Variants in FOXP1 observed in about 807,000 individuals in gnomAD.
FOXP1 encodes forkhead box protein P1.
A neutral mutation model predicts 98.2 loss-of-function variants in FOXP1; 15 were observed. That is an observed-to-expected ratio of 0.15 (90% CI 0.10 to 0.24). FOXP1 has a LOEUF of 0.24. Among genes scored for constraint, FOXP1 ranks in the 10% least tolerant of loss-of-function variants. The pLI is 1.00. For synonymous variants in FOXP1, 371 were observed against 314.5 expected, an observed-to-expected ratio of 1.18 and a Z score of -1.90; for missense variants, 633 against 848.5, an observed-to-expected ratio of 0.75 and a Z score of 3.15.
intron 7 of FOXP1, among the ~76,000 whole-genome samples, chr3:71,095,152 A>G (rs2056331517): frequency 6.6e-6 from 1 of 152,268 alleles, no homozygotes; most frequent in Non-Finnish European, 1.5e-5. Context: ...TTTCAAAATT[A>G]CTGCTCTCTA....
At chr3:71,079,625 T>A (rs924612287) in intron 7 of FOXP1, among the ~76,000 whole-genome samples, 1 of 152,220 alleles carries the variant, frequency 6.6e-6, no homozygotes, top group Non-Finnish European at 1.5e-5. Context: ...ATTGTTACTA[T>A]TTGACAATTA....
At chr3:71,198,039 C>T (rs1416916194) in intron 6 of FOXP1, 163 bp downstream of exon 6, 3 of 1,614,102 alleles carry the variant, frequency 1.9e-6, no homozygotes, top group Non-Finnish European at 8.5e-7. Flanking sequence ...TGCTGGGACT[C>T]CTAGAGGGCT....
intron 2 of FOXP1, among the ~76,000 whole-genome samples, chr3:71,527,830 C>A (rs1166278756): frequency 6.6e-6 from 1 of 152,196 alleles, no homozygotes. Flanking sequence ...TCAAAAATTG[C>A]CCTTTTAAAC....
At chr3:71,067,763 C>CACACACACACACACACACACACAA (rs374096871) in intron 7 of FOXP1, among the ~76,000 whole-genome samples, 1 of 149,786 alleles carries the variant, frequency 6.7e-6, no homozygotes, top group African/African-American at 2.5e-5. Flanking sequence ...CACACACACA[C>CACACACACACACACACACACACAA]AATTAGCCAC....
At chr3:71,479,345 C>T (rs1291840741) in intron 3 of FOXP1, among the ~76,000 whole-genome samples, 2 of 152,134 alleles carry the variant, frequency 1.3e-5, no homozygotes, top group African/African-American at 2.4e-5. Context: ...GTCACTGTTT[C>T]GTTTCCAAAT....
At chr3:71,073,131 A>T (rs1486529935) in intron 7 of FOXP1, among the ~76,000 whole-genome samples, 1 of 152,228 alleles carries the variant, frequency 6.6e-6, no homozygotes, top group Non-Finnish European at 1.5e-5. Flanking sequence ...AGGAATGTCT[A>T]ATTGATCTTA....
At chr3:71,195,089 G>C (rs1027914795) in intron 6 of FOXP1, among the ~76,000 whole-genome samples, 1 of 152,176 alleles carries the variant, frequency 6.6e-6, no homozygotes, top group Non-Finnish European at 1.5e-5. Context: ...AATTGTTGCC[G>C]TTGTGGGACT....
At chr3:71,459,602 T>C (rs755166467) in intron 3 of FOXP1, among the ~76,000 whole-genome samples, 9 of 152,230 alleles carry the variant, frequency 5.9e-5, no homozygotes, top group South Asian at 2.1e-4. Context: ...CCTCATGTAA[T>C]AGATATGGGG....
intron 3 of FOXP1, among the ~76,000 whole-genome samples, chr3:71,448,825 C>T (rs1245056606): frequency 6.6e-6 from 1 of 152,128 alleles, no homozygotes; most frequent in Non-Finnish European, 1.5e-5. Context: ...AAATCACTGG[C>T]AAGTAAGAAT....
chr3:71,372,406 C>T (rs1437370340), intron 3 of FOXP1, among the ~76,000 whole-genome samples: 7 of 152,156 alleles, frequency 4.6e-5, no homozygotes, highest in Admixed American at 4.6e-4. Flanking sequence ...AAGGTCTGTG[C>T]TTTCCACTGT....
chr3:71,331,162 C>T (rs557821867), intron 4 of FOXP1, among the ~76,000 whole-genome samples: 143 of 152,294 alleles, frequency 9.4e-4, no homozygotes, highest in African/African-American at 3.2e-3. Context: ...ACTGGGGCTG[C>T]GCAGGGTGCT....
At chr3:71,001,391 G>A (rs1354365923) in intron 12 of FOXP1, among the ~76,000 whole-genome samples, 2 of 152,164 alleles carry the variant, frequency 1.3e-5, no homozygotes, top group East Asian at 1.9e-4. Flanking sequence ...GGGCCTGCTA[G>A]GTATTTCGGA....
chr3:71,379,995 G>T (rs934478257), intron 3 of FOXP1, among the ~76,000 whole-genome samples: 3 of 152,186 alleles, frequency 2.0e-5, no homozygotes, highest in Non-Finnish European at 4.4e-5. Flanking sequence ...GATTGCAGGG[G>T]ATATAGAAGC....
intron 17 of FOXP1, among the ~76,000 whole-genome samples, chr3:70,973,851 C>A (rs2036921631): frequency 1.6e-5 from 2 of 126,592 alleles, no homozygotes; most frequent in Admixed American, 1.6e-4. Flanking sequence ...CCCCCCCCAC[C>A]CCCCAACACA....
intron 6 of FOXP1, among the ~76,000 whole-genome samples, chr3:71,142,608 C>T (rs544349819): frequency 1.3e-5 from 2 of 152,186 alleles, no homozygotes; most frequent in Non-Finnish European, 2.9e-5. Flanking sequence ...TGACAGCCAG[C>T]AAGGAAGCAG....
chr3:71,290,457 T>C (rs1001314077), intron 5 of FOXP1, among the ~76,000 whole-genome samples: 9 of 152,238 alleles, frequency 5.9e-5, no homozygotes, highest in Non-Finnish European at 1.2e-4. Context: ...ATTGTGATCC[T>C]GGCCATCATC....
intron 7 of FOXP1, among the ~76,000 whole-genome samples, chr3:71,077,516 G>A (rs908487697): frequency 3.3e-5 from 5 of 152,130 alleles, no homozygotes; most frequent in African/African-American, 9.7e-5. Context: ...TAACAGGAAC[G>A]CACATACACA....
intron 14 of FOXP1, among the ~76,000 whole-genome samples, chr3:70,985,649 T>G (rs2039611415): frequency 6.6e-6 from 1 of 152,194 alleles, no homozygotes; most frequent in African/African-American, 2.4e-5. Flanking sequence ...TTTATAATGC[T>G]GCCTGTGAAG....
intron 6 of FOXP1, among the ~76,000 whole-genome samples, chr3:71,188,026 T>A (rs984013987): frequency 6.6e-6 from 1 of 152,198 alleles, no homozygotes; most frequent in South Asian, 2.1e-4. Flanking sequence ...CACTTAATAA[T>A]TATAATAATA....
Sources: gnomAD v4.1 joint callset for allele counts (sites outside exome capture counted in the v4.1 genomes callset) on GRCh38, gnomAD v4.1.1 for gene constraint, MANE v1.5 for transcripts, NCBI Gene and HGNC (gene_info 2026-07-23, HGNC 2026-07-21) for gene names.